SHISA9: variants seen among roughly 807,000 people sequenced by gnomAD.
SHISA9 encodes shisa family member 9, also known as protein shisa-9.
SHISA9 carries 13 observed loss-of-function variants against 38.0 expected under a neutral mutation model. The ratio of observed to expected loss-of-function variants is 0.34; its 90% confidence interval spans 0.22 to 0.54. The LOEUF (loss-of-function observed/expected upper bound fraction) is 0.54, where lower values mean the gene tolerates loss of function less well. Among genes scored for constraint, SHISA9 ranks in the 20% least tolerant of loss-of-function variants. The pLI is 0.91. For missense variants in SHISA9, 538 were observed against 575.8 expected (o/e 0.93, Z 0.67); for synonymous variants, 275 against 242.0 (o/e 1.14, Z -1.27).
rs926199917 is a variant in SHISA9, at chr16:12,910,448, A to G, written c.564-6240A>G. The G allele has an allele frequency of 3.0e-6, 3 of 985,200 alleles. No homozygotes were observed. The South Asian group carries it at 1.4e-4, about 46-fold the overall frequency. 61.0% of individuals were successfully genotyped at this position (985,200 alleles called of 1,614,324 possible). A position where few individuals can be genotyped will look rare whatever the true frequency, so the allele number is the denominator to read the frequency against. On this transcript the variant is annotated intron_variant, in intron 1 of 4. Transcript: ENST00000558583. ...GAAGAGCAAACAGCCAAATATCAGGAGACAGGTAACACACAAGGAAATGTA... is the reference window on the plus strand; with the variant it reads ...GAAGAGCAAACAGCCAAATATCAGGGGACAGGTAACACACAAGGAAATGTA...
At chr16:13,451,629 G>C in the SHISA9 span, among the ~76,000 whole-genome samples, 2 of 152,202 alleles carry the variant, frequency 1.3e-5, no homozygotes, top group Admixed American at 1.3e-4. Context: ...GCAAGAGAGA[G>C]AGAATTCTAG....
chr16:13,413,987 A>C, the SHISA9 span, among the ~76,000 whole-genome samples: 1 of 152,146 alleles, frequency 6.6e-6, no homozygotes, highest in Non-Finnish European at 1.5e-5. Context: ...TCAACTGCAG[A>C]GCCAACAGGA....
rs1448720037 is a variant in SHISA9 at position 13,196,286 on chromosome 16, A to G, written c.692-7108A>G. On this transcript the variant is annotated intron_variant, in intron 2 of 4. Coordinates refer to ENST00000558583, the MANE Select transcript of SHISA9 (RefSeq NM_001145204.3). ...GTGGCGCGTGCCTGTAGTTCCAGCT[A>G]CTCGGGAGGCTGAGGCAGGAGAATG... Among the ~76,000 whole-genome samples the G allele has an allele frequency of 2.0e-3, 303 of 147,980 alleles. 1 individual carries two copies. Among genetic ancestry groups the G allele is most frequent in the African/African-American group, 7.1e-3 (282 of 39,740 alleles).
intron 2 of SHISA9, among the ~76,000 whole-genome samples, chr16:13,179,779 T>C (rs928267094): frequency 3.3e-5 from 5 of 152,216 alleles, no homozygotes; most frequent in Non-Finnish European, 7.3e-5. Flanking sequence ...GATGGGGCCA[T>C]TGAATGGGAG....
chr16:13,327,579 G>A, the SHISA9 span, among the ~76,000 whole-genome samples: 1 of 152,148 alleles, frequency 6.6e-6, no homozygotes, highest in Non-Finnish European at 1.5e-5. Flanking sequence ...TCGAGCTGCT[G>A]CACTCCAGCC....
At chr16:13,351,809 T>C in the SHISA9 span, among the ~76,000 whole-genome samples, 4 of 152,314 alleles carry the variant, frequency 2.6e-5, no homozygotes, top group Admixed American at 6.5e-5. Flanking sequence ...CTAACACCAG[T>C]AAATAATTTA....
At chr16:13,281,624 T>G in the SHISA9 span, among the ~76,000 whole-genome samples, 1 of 151,480 alleles carries the variant, frequency 6.6e-6, no homozygotes, top group Admixed American at 6.6e-5. Flanking sequence ...ATTTATTATA[T>G]TTTCTCTTAA....
chr16:13,010,273 T>C (rs771814271), intron 2 of SHISA9, among the ~76,000 whole-genome samples: 4 of 152,146 alleles, frequency 2.6e-5, no homozygotes, highest in Non-Finnish European at 5.9e-5. Context: ...ATAAAACCTC[T>C]TTGCAGGTTG....
At chr16:13,284,806 G>A in the SHISA9 span, among the ~76,000 whole-genome samples, 12 of 152,128 alleles carry the variant, frequency 7.9e-5, no homozygotes, top group East Asian at 1.2e-3. Flanking sequence ...ACCATGTTGC[G>A]CATGCTGGAC....
intron 2 of SHISA9, among the ~76,000 whole-genome samples, chr16:13,179,019 A>AT (rs1279969780): frequency 6.6e-6 from 1 of 152,192 alleles, no homozygotes; most frequent in East Asian, 1.9e-4. Flanking sequence ...ACTTAACTCT[A>AT]TAACAACATC....
intron 2 of SHISA9, among the ~76,000 whole-genome samples, chr16:13,063,075 C>T (rs960418971): frequency 2.0e-5 from 3 of 152,136 alleles, no homozygotes; most frequent in African/African-American, 7.2e-5. Context: ...GATGCGATCT[C>T]AGCTCACTGC....
the SHISA9 span, among the ~76,000 whole-genome samples, chr16:13,400,495 G>GT: frequency 0.018 from 2,764 of 152,216 alleles, 35 homozygotes; most frequent in Middle Eastern, 0.034. Context: ...TAAAATCACT[G>GT]TTTTTTGCAG....
intron 2 of SHISA9, among the ~76,000 whole-genome samples, chr16:13,025,364 A>G (rs1596594048): frequency 1.3e-5 from 2 of 152,296 alleles, no homozygotes; most frequent in East Asian, 3.9e-4. Flanking sequence ...AGGCCTGGCA[A>G]TCTGTATTCA....
At chr16:13,276,484 A>ATC in the SHISA9 span, among the ~76,000 whole-genome samples, 1 of 152,090 alleles carries the variant, frequency 6.6e-6, no homozygotes, top group Non-Finnish European at 1.5e-5. Flanking sequence ...TCTTTAAGTA[A>ATC]TCTCCACACT....
chr16:13,386,879 G>A, the SHISA9 span, among the ~76,000 whole-genome samples: 4 of 152,110 alleles, frequency 2.6e-5, no homozygotes, highest in Non-Finnish European at 5.9e-5. Context: ...CCTACTGATG[G>A]ATATCTAGTT....
the SHISA9 span, among the ~76,000 whole-genome samples, chr16:13,496,512 G>A: frequency 6.6e-6 from 1 of 151,662 alleles, no homozygotes. Context: ...AATAAGATAA[G>A]GAAACCACTA....
At chr16:12,998,683 C>G (rs1289879931) in intron 2 of SHISA9, among the ~76,000 whole-genome samples, 1 of 152,064 alleles carries the variant, frequency 6.6e-6, no homozygotes, top group East Asian at 1.9e-4. Context: ...GGCATGGGCC[C>G]CCATGCTTGA....
chr16:13,208,067 A>G (rs184182233), intron 3 of SHISA9, among the ~76,000 whole-genome samples: 1 of 152,306 alleles, frequency 6.6e-6, no homozygotes, highest in East Asian at 1.9e-4. Context: ...GCTCTGTCTC[A>G]CTCAGACTCT....
At chr16:13,264,017 G>A in the SHISA9 span, among the ~76,000 whole-genome samples, 1 of 152,072 alleles carries the variant, frequency 6.6e-6, no homozygotes, top group Non-Finnish European at 1.5e-5. Context: ...TTATCCGCAA[G>A]GTTATGTAAA....
Sources: allele counts gnomAD v4.1 joint callset (sites outside exome capture counted in the v4.1 genomes callset), GRCh38; gene constraint gnomAD v4.1.1; transcripts MANE v1.5; gene names NCBI Gene and HGNC (gene_info 2026-07-23, HGNC 2026-07-21).